Variants in HIPK3 observed in about 807,000 individuals in gnomAD.
HIPK3 encodes homeodomain-interacting protein kinase 3.
In HIPK3, 47 loss-of-function variants were observed where a neutral mutation model predicts 124.2. The observed-to-expected ratio is 0.38, with a 90% confidence interval of 0.30 to 0.48. The LOEUF (loss-of-function observed/expected upper bound fraction) is 0.48. Ranked by LOEUF, HIPK3 falls within the 20% of genes least tolerant of loss-of-function variation. The pLI is 0.98. For synonymous variants in HIPK3, 482 were observed against 515.2 expected, an observed-to-expected ratio of 0.94 and a Z score of 0.87; for missense variants, 1,286 against 1,454.3, an observed-to-expected ratio of 0.88 and a Z score of 1.88.
chr11:33,267,502 A>ATTT (rs549211224), intron 1 of HIPK3, among the ~76,000 whole-genome samples: 1 of 135,178 alleles, frequency 7.4e-6, no homozygotes, highest in African/African-American at 2.7e-5. Flanking sequence ...TATTATTATT[A>ATTT]TTTTTTTTTT....
chr11:33,295,037 C>A (rs1311516578), intron 2 of HIPK3, among the ~76,000 whole-genome samples: 1 of 152,084 alleles, frequency 6.6e-6, no homozygotes, highest in East Asian at 1.9e-4. Flanking sequence ...CCCCTTCCCC[C>A]CCAGCGATAA....
intron 2 of HIPK3, among the ~76,000 whole-genome samples, chr11:33,306,049 T>C (rs901701412): frequency 6.6e-6 from 1 of 152,152 alleles, no homozygotes; most frequent in Non-Finnish European, 1.5e-5. Flanking sequence ...CACATAACTT[T>C]AAAGCTGAAG....
chr11:33,297,801 T>C (rs1431265153), intron 2 of HIPK3, among the ~76,000 whole-genome samples: 4 of 145,208 alleles, frequency 2.8e-5, no homozygotes, highest in Non-Finnish European at 6.0e-5. Context: ...TTTTTTTTTT[T>C]TTTCTTGAGA....
intron 2 of HIPK3, among the ~76,000 whole-genome samples, chr11:33,318,047 T>C (rs266457): frequency 0.7 from 106,579 of 152,032 alleles, 37,457 homozygotes; most frequent in Non-Finnish European, 0.72. Context: ...GCTTAAATTA[T>C]AGGAAGAGTT....
intron 2 of HIPK3, among the ~76,000 whole-genome samples, chr11:33,299,022 T>C (rs1011180938): frequency 1.2e-4 from 18 of 151,970 alleles, no homozygotes; most frequent in African/African-American, 4.3e-4. Flanking sequence ...AATTTTTGTA[T>C]TTTTAGTAGA....
Position 33,353,933 on chromosome 11 carries a change from A to G in HIPK3, c.*365A>G. The G allele has an allele frequency of 4.3e-6, 1 of 235,110 alleles. No individual in the cohort carries two copies. The highest frequency in any genetic ancestry group is 8.4e-6 in the Non-Finnish European group (1 of 118,614). The allele number at this position is 235,110 out of a possible 1,614,324, so 14.6% of individuals were successfully genotyped here. A position where few individuals can be genotyped will look rare whatever the true frequency, so the allele number is the denominator to read the frequency against. ...ACAGATGCACATATGTCAGAATTAC[A>G]GCATACAAGTGAATTGTATTATCCG... On this transcript the variant is annotated 3_prime_UTR_variant, in exon 17 of 17. Coordinates refer to ENST00000303296, the MANE Select transcript of HIPK3 (RefSeq NM_005734.5).
chr11:33,307,053 C>T (rs758905798), intron 2 of HIPK3, among the ~76,000 whole-genome samples: 7 of 151,618 alleles, frequency 4.6e-5, no homozygotes, highest in Non-Finnish European at 8.8e-5. Flanking sequence ...CTTCTCCCTT[C>T]CTCACATCCC....
At chr11:33,267,249 A>T (rs1053088870) in intron 1 of HIPK3, among the ~76,000 whole-genome samples, 1 of 150,596 alleles carries the variant, frequency 6.6e-6, no homozygotes, top group Admixed American at 6.6e-5. Context: ...CAGCCTTGAG[A>T]TTACAGGCAA....
At chr11:33,272,600 CCTTTCCTTTTTCCTTTTTT>C (rs1243153039) in intron 1 of HIPK3, among the ~76,000 whole-genome samples, 14 of 151,952 alleles carry the variant, frequency 9.2e-5, no homozygotes, top group South Asian at 4.1e-4. Context: ...AGATCTTTCT[CCTTTCCTTTTTCCTTTTTT>C]CTTTCCTTTT....
At position 33,349,132 on chromosome 11, in the gene HIPK3, TTTCTC is replaced by T. The variant is rs1229512743; in HGVS notation, c.2667-11_2667-7del. On this transcript the variant is annotated splice_polypyrimidine_tract_variant and intron_variant, in intron 13 of 16. Coordinates refer to ENST00000303296, the MANE Select transcript of HIPK3 (RefSeq NM_005734.5). ...TTGTATTTGACTCATGTTTTTCCCT[TTTCTC>T]TTCCACTAGATGTAAAGGTAGTCTA... The T allele has an allele frequency of 6.2e-7, 1 of 1,607,680 alleles. No individual in the cohort carries two copies. The highest frequency in any genetic ancestry group is 1.7e-5 in the Admixed American group (1 of 58,118).
chr11:33,281,362 G>A (rs145941692), intron 1 of HIPK3, among the ~76,000 whole-genome samples: 1,562 of 152,076 alleles, frequency 0.01, 8 homozygotes, highest in Non-Finnish European at 0.015. Context: ...CCCATCATCA[G>A]GCTTCTGTAA....
chr11:33,273,795 A>G (rs1413682546), intron 1 of HIPK3, among the ~76,000 whole-genome samples: 1 of 152,166 alleles, frequency 6.6e-6, no homozygotes, highest in East Asian at 1.9e-4. Flanking sequence ...TTAAAAACTG[A>G]AAGTACTATA....
At chr11:33,306,636 A>G (rs1472365146) in intron 2 of HIPK3, among the ~76,000 whole-genome samples, 1 of 152,214 alleles carries the variant, frequency 6.6e-6, no homozygotes. Context: ...TCTTGGCCTC[A>G]GTTTAGTCAT....
chr11:33,355,167 G>A lies in HIPK3; in HGVS notation c.*1599G>A, dbSNP rs1853783334. On this transcript the variant is annotated 3_prime_UTR_variant, in exon 17 of 17. Coordinates refer to ENST00000303296, the MANE Select transcript of HIPK3 (RefSeq NM_005734.5). ...GTTGTTATTTAGCCTTCTAATTTCT[G>A]TATAAGTCTAATTACATGAATAGAA... The A allele has an allele frequency of 6.6e-6, 1 of 151,996 alleles. No homozygotes were observed. Among genetic ancestry groups the A allele is most frequent in the Admixed American group, 6.6e-5 (1 of 15,256 alleles). 9.4% of individuals were successfully genotyped at this position (151,996 alleles called of 1,614,324 possible). A position where few individuals can be genotyped will look rare whatever the true frequency, so the allele number is the denominator to read the frequency against.
intron 1 of HIPK3, among the ~76,000 whole-genome samples, chr11:33,279,755 A>G (rs958296171): frequency 2.0e-5 from 3 of 152,206 alleles, no homozygotes; most frequent in African/African-American, 4.8e-5. Flanking sequence ...TATTGTTCAC[A>G]GCTCTGGAGG....
intron 1 of HIPK3, among the ~76,000 whole-genome samples, chr11:33,269,210 A>G (rs1355158509): frequency 1.3e-5 from 2 of 152,104 alleles, no homozygotes; most frequent in African/African-American, 2.4e-5. Flanking sequence ...ACCCTCCTTT[A>G]TTCCTGCCTC....
At chr11:33,331,625 C>T (rs938563610) in intron 3 of HIPK3, among the ~76,000 whole-genome samples, 3 of 152,104 alleles carry the variant, frequency 2.0e-5, no homozygotes, top group African/African-American at 7.2e-5. Flanking sequence ...GCCATCCTCC[C>T]GCCTGGACCT....
intron 1 of HIPK3, among the ~76,000 whole-genome samples, chr11:33,277,884 C>G (rs1264421256): frequency 1.3e-5 from 2 of 152,120 alleles, no homozygotes; most frequent in Non-Finnish European, 2.9e-5. Flanking sequence ...CTTGTATTTC[C>G]TGTCTGTGAA....
At chr11:33,303,456 T>C (rs994081123) in intron 2 of HIPK3, among the ~76,000 whole-genome samples, 1 of 152,228 alleles carries the variant, frequency 6.6e-6, no homozygotes, top group Non-Finnish European at 1.5e-5. Context: ...AAGAAGACTT[T>C]AGTGGTGGTT....
Sources: allele counts gnomAD v4.1 joint callset (sites outside exome capture counted in the v4.1 genomes callset), GRCh38; gene constraint gnomAD v4.1.1; transcripts MANE v1.5; gene names NCBI Gene and HGNC (gene_info 2026-07-23, HGNC 2026-07-21).